Variants in FBXO36 observed in about 807,000 individuals in gnomAD.
FBXO36 encodes F-box only protein 36.
Under a neutral mutation model 17.0 loss-of-function variants are expected in FBXO36, and 18 were observed. That is an observed-to-expected ratio of 1.06 (90% CI 0.73 to 1.57). The LOEUF is 1.57. FBXO36 is among the 40% of genes most tolerant of loss of function. The pLI is 0.00. For synonymous variants in FBXO36, 83 were observed against 85.3 expected, an observed-to-expected ratio of 0.97 and a Z score of 0.15; for missense variants, 229 against 221.9, an observed-to-expected ratio of 1.03 and a Z score of -0.20.
intron 3 of FBXO36, among the ~76,000 whole-genome samples, chr2:229,998,566 G>A (rs558474041): frequency 1.3e-5 from 2 of 151,814 alleles, no homozygotes; most frequent in South Asian, 4.2e-4. Context: ...AGGTTGTGGT[G>A]AGCCAAGATC....
At chr2:229,982,817 A>G (rs1402000860) in intron 2 of FBXO36, among the ~76,000 whole-genome samples, 1 of 150,682 alleles carries the variant, frequency 6.6e-6, no homozygotes, top group African/African-American at 2.4e-5. Context: ...TAATTTAATC[A>G]CATCTGCACA....
At chr2:229,957,414 T>G (rs2077094373) in intron 1 of FBXO36, among the ~76,000 whole-genome samples, 1 of 152,070 alleles carries the variant, frequency 6.6e-6, no homozygotes, top group Admixed American at 6.6e-5. Flanking sequence ...CCATCTCTAC[T>G]AAAAATACAA....
chr2:229,952,963 A>T (rs989208162), intron 1 of FBXO36, among the ~76,000 whole-genome samples: 1 of 152,198 alleles, frequency 6.6e-6, no homozygotes, highest in Non-Finnish European at 1.5e-5. Context: ...GTTTTAGGAA[A>T]CATTTTCTCG....
intron 2 of FBXO36, among the ~76,000 whole-genome samples, chr2:229,988,658 C>T (rs534533246): frequency 7.9e-5 from 12 of 152,200 alleles, no homozygotes; most frequent in African/African-American, 2.9e-4. Context: ...CCTCAGCCTC[C>T]TGAGTAGCTG....
At chr2:229,987,965 C>G (rs2077277595) in intron 2 of FBXO36, among the ~76,000 whole-genome samples, 1 of 152,142 alleles carries the variant, frequency 6.6e-6, no homozygotes, top group East Asian at 1.9e-4. Context: ...TTTTTCTCCT[C>G]TAAATTTTCT....
In FBXO36 at chr2:229,949,799, C is replaced by A. The variant is rs934573554; in HGVS notation, c.97-26442C>A. Among the ~76,000 whole-genome samples, 3 of 152,206 alleles carry A rather than the reference C, an allele frequency of 2.0e-5. No individual in the cohort carries two copies. The East Asian group carries it at 5.8e-4, about 30-fold the overall frequency. On this transcript the variant is annotated intron_variant, in intron 1 of 3. Coordinates refer to ENST00000283946, the MANE Select transcript of FBXO36 (RefSeq NM_174899.5). ...AATTAGCCGGGCGTGGTGGCGGGCG[C>A]CTGTAGTCCCAGCTACTCGGGAGGC...
intron 2 of FBXO36, among the ~76,000 whole-genome samples, chr2:229,986,342 A>C (rs2106202532): frequency 6.6e-6 from 1 of 152,084 alleles, no homozygotes; most frequent in East Asian, 1.9e-4. Context: ...CTGTATAAAA[A>C]ATGCAAAAAT....
In FBXO36 at chr2:229,939,319, A is replaced by G; in HGVS notation, c.96+16710A>G. ...TTTTCTTGCCCTATTTTACATTTTTATCGTGGTAAGGTCCTCTCGTCCCAA... is the reference window on the plus strand; with the variant it reads ...TTTTCTTGCCCTATTTTACATTTTTGTCGTGGTAAGGTCCTCTCGTCCCAA... On this transcript the variant is annotated intron_variant, in intron 1 of 3. Transcript: ENST00000283946. 6 of 954,022 alleles carry G rather than the reference A, an allele frequency of 6.3e-6. No individual in the cohort carries two copies. In the South Asian group the frequency reaches 2.9e-4, roughly 46 times the overall value. 59.1% of individuals were successfully genotyped at this position (954,022 alleles called of 1,614,324 possible). A position where few individuals can be genotyped will look rare whatever the true frequency, so the allele number is the denominator to read the frequency against.
At chr2:229,938,115 C>CTGCTATCA (rs2076974867) in intron 1 of FBXO36, among the ~76,000 whole-genome samples, 2 of 151,808 alleles carry the variant, frequency 1.3e-5, no homozygotes, top group African/African-American at 4.8e-5. Flanking sequence ...TTACAGGCAC[C>CTGCTATCA]TGCTATCATG....
intron 1 of FBXO36, among the ~76,000 whole-genome samples, chr2:229,933,792 T>C (rs192465196): frequency 1.3e-5 from 2 of 152,036 alleles, no homozygotes; most frequent in Admixed American, 1.3e-4. Flanking sequence ...TTCAAACAAT[T>C]CTCCTGCCTC....
chr2:229,972,640 C>G (rs886568032), intron 1 of FBXO36, among the ~76,000 whole-genome samples: 10 of 151,820 alleles, frequency 6.6e-5, no homozygotes, highest in African/African-American at 2.4e-4. Context: ...GTCATCCCAC[C>G]GACATTCAGT....
chr2:229,981,109 T>TG (rs1249006877), intron 2 of FBXO36, among the ~76,000 whole-genome samples: 1 of 152,206 alleles, frequency 6.6e-6, no homozygotes, highest in Non-Finnish European at 1.5e-5. Flanking sequence ...TGATCACAGC[T>TG]GATTGCTCCT....
chr2:229,948,335 G>A (rs912651247), intron 1 of FBXO36, among the ~76,000 whole-genome samples: 4 of 152,072 alleles, frequency 2.6e-5, no homozygotes, highest in African/African-American at 7.2e-5. Context: ...TTTAGAGCAG[G>A]AACAGTCTGA....
chr2:229,953,748 A>G (rs1380051138), intron 1 of FBXO36, among the ~76,000 whole-genome samples: 1 of 152,148 alleles, frequency 6.6e-6, no homozygotes, highest in Non-Finnish European at 1.5e-5. Context: ...AACAAGAAAA[A>G]TTTATTTCTT....
At chr2:229,975,650 A>T (rs911411528) in intron 1 of FBXO36, among the ~76,000 whole-genome samples, 4 of 151,528 alleles carry the variant, frequency 2.6e-5, no homozygotes, top group South Asian at 2.1e-4. Context: ...ATTTAAAAAA[A>T]TTTTTTGTAG....
At chr2:230,000,834 T>A (rs1174345961) in intron 3 of FBXO36, among the ~76,000 whole-genome samples, 2 of 147,300 alleles carry the variant, frequency 1.4e-5, no homozygotes, top group African/African-American at 5.0e-5. Flanking sequence ...TCTCCCCGCA[T>A]AACATTAACC....
intron 2 of FBXO36, among the ~76,000 whole-genome samples, chr2:229,978,116 CA>C (rs869287869): frequency 4.7e-5 from 7 of 149,826 alleles, no homozygotes; most frequent in Non-Finnish European, 8.9e-5. Flanking sequence ...AAACAAAAAC[CA>C]AAAAAAAAAT....
chr2:229,998,852 A>G (rs796943185), intron 3 of FBXO36, among the ~76,000 whole-genome samples: 6 of 146,062 alleles, frequency 4.1e-5, no homozygotes, highest in African/African-American at 7.6e-5. Context: ...GCCCAGGCTG[A>G]AGTGCAGTGG....
At position 229,968,440 on chromosome 2, in the gene FBXO36, T is replaced by C. The variant is rs77508446; in HGVS notation, c.97-7801T>C. On this transcript the variant is annotated intron_variant, in intron 1 of 3. Transcript: ENST00000283946. ...TAAACATATAAAGACACAAAACTTA[T>C]ATATCTAGCAAATTTAATTCTCTGA... Among the ~76,000 whole-genome samples the C allele has an allele frequency of 5.6e-3, 851 of 152,268 alleles. 4 individuals are homozygous for C. The highest frequency in any genetic ancestry group is 0.014 in the Middle Eastern group (4 of 294).
Sources: gnomAD v4.1 joint callset for allele counts (sites outside exome capture counted in the v4.1 genomes callset) on GRCh38, gnomAD v4.1.1 for gene constraint, MANE v1.5 for transcripts, NCBI Gene and HGNC (gene_info 2026-07-23, HGNC 2026-07-21) for gene names.